Variants in SLC2A9 observed in about 807,000 individuals in gnomAD.
SLC2A9 encodes the protein solute carrier family 2 member 9, also known as solute carrier family 2, facilitated glucose transporter member 9.
In SLC2A9, 39 loss-of-function variants were observed where a neutral mutation model predicts 50.6. The ratio of observed to expected loss-of-function variants is 0.77; its 90% CI spans 0.60 to 1.01. The LOEUF (loss-of-function observed/expected upper bound fraction) is 1.01, where lower values mean the gene tolerates loss of function less well. Among genes scored for constraint, SLC2A9 ranks in the 50% least tolerant of loss-of-function variants. The pLI is 0.00. For synonymous variants in SLC2A9, 324 were observed against 276.9 expected, an observed-to-expected ratio of 1.17 and a Z score of -1.69; for missense variants, 686 against 677.6, an observed-to-expected ratio of 1.01 and a Z score of -0.14.
At chr4:10,004,039 G>C (rs1760341476) in intron 2 of SLC2A9, among the ~76,000 whole-genome samples, 1 of 152,124 alleles carries the variant, frequency 6.6e-6, no homozygotes, top group South Asian at 2.1e-4. Flanking sequence ...CAGTGAGCAG[G>C]GATCCAGAGT....
At chr4:9,837,240 A>C (rs746129609) in intron 10 of SLC2A9, among the ~76,000 whole-genome samples, 17 of 152,236 alleles carry the variant, frequency 1.1e-4, no homozygotes, top group Non-Finnish European at 1.9e-4. Flanking sequence ...TATGCTGTTC[A>C]CTACAAAAAT....
At chr4:9,780,531 G>A (rs1320609812) in intron 3 of SLC2A9, among the ~76,000 whole-genome samples, 2 of 152,160 alleles carry the variant, frequency 1.3e-5, no homozygotes, top group Admixed American at 6.5e-5. Context: ...GTACAGGTGC[G>A]TTTGGTGGAG....
At chr4:9,947,899 C>T (rs1283028705) in intron 5 of SLC2A9, among the ~76,000 whole-genome samples, 1 of 152,170 alleles carries the variant, frequency 6.6e-6, no homozygotes, top group African/African-American at 2.4e-5. Flanking sequence ...CCTGACTGAC[C>T]CAGTGCTTCC....
At chr4:9,916,988 C>A (rs908158932) in intron 7 of SLC2A9, among the ~76,000 whole-genome samples, 4 of 152,180 alleles carry the variant, frequency 2.6e-5, no homozygotes, top group African/African-American at 9.7e-5. Flanking sequence ...CCACTAATAG[C>A]TCTCTCCAGG....
chr4:9,802,229 A>T (rs1195053634), intron 3 of SLC2A9, among the ~76,000 whole-genome samples: 1 of 151,992 alleles, frequency 6.6e-6, no homozygotes, highest in East Asian at 1.9e-4. Flanking sequence ...GGGCATTTAC[A>T]GATTAAAGGG....
intron 7 of SLC2A9, among the ~76,000 whole-genome samples, chr4:9,910,371 CTA>C (rs1268161626): frequency 2.0e-5 from 3 of 152,316 alleles, no homozygotes; most frequent in Middle Eastern, 3.4e-3. Flanking sequence ...CCTGAAAACT[CTA>C]TGTCCATTGA....
intron 10 of SLC2A9, among the ~76,000 whole-genome samples, chr4:9,854,561 C>G (rs530033541): frequency 6.6e-6 from 1 of 152,316 alleles, no homozygotes; most frequent in South Asian, 2.1e-4. Context: ...CCTACCAAAA[C>G]TATTCCAAAA....
intron 2 of SLC2A9, among the ~76,000 whole-genome samples, chr4:10,011,559 A>C (rs1273907572): frequency 6.6e-6 from 1 of 152,258 alleles, no homozygotes; most frequent in Non-Finnish European, 1.5e-5. Flanking sequence ...TCAAGGATTC[A>C]GATTAGCACA....
intron 1 of SLC2A9, chr4:10,019,376 C>A: frequency 2.1e-6 from 1 of 478,676 alleles, no homozygotes; most frequent in Non-Finnish European, 3.8e-6. Flanking sequence ...TCCACACGAT[C>A]CTTTCAGCGA....
chr4:9,973,837 T>C (rs56296130), intron 5 of SLC2A9, among the ~76,000 whole-genome samples: 70,398 of 150,180 alleles, frequency 0.47, 17,702 homozygotes, highest in African/African-American at 0.64. Flanking sequence ...GTTGTGCACA[T>C]GTACCCTAAA....
rs541461490 is a variant in SLC2A9, at chr4:9,849,300, T to C, written c.1292-14292A>G. On this transcript the variant is annotated intron_variant, in intron 10 of 11. Transcript: ENST00000264784. Reference sequence around the variant, plus strand: ...AGGGTGTGGAGGCAGACTGGGACACTGGTTAGGAAACAGTAGTTCAGAACT... The same window carrying C: ...AGGGTGTGGAGGCAGACTGGGACACCGGTTAGGAAACAGTAGTTCAGAACT... Among the ~76,000 whole-genome samples the C allele has an allele frequency of 2.0e-5, 3 of 152,288 alleles. No homozygotes were observed. In the East Asian group the frequency reaches 5.8e-4, roughly 29 times the overall value.
chr4:9,873,163 T>C (rs1733730627), intron 10 of SLC2A9, among the ~76,000 whole-genome samples: 1 of 152,188 alleles, frequency 6.6e-6, no homozygotes, highest in Admixed American at 6.5e-5. Context: ...ATGACTGTTA[T>C]TGAAGGTAAG....
chr4:10,005,904 T>A (rs1760700504), intron 2 of SLC2A9, among the ~76,000 whole-genome samples: 1 of 152,216 alleles, frequency 6.6e-6, no homozygotes, highest in Admixed American at 6.5e-5. Flanking sequence ...TTAACCTCTC[T>A]GCGCCTCAGG....
chr4:9,979,847 C>T (rs1392616510), intron 5 of SLC2A9, among the ~76,000 whole-genome samples: 9 of 152,156 alleles, frequency 5.9e-5, no homozygotes, highest in Admixed American at 5.9e-4. Flanking sequence ...CATCTGAGTT[C>T]TTTCCCAGGG....
At chr4:9,818,804 TG>T (rs1279102102) in intron 3 of SLC2A9, among the ~76,000 whole-genome samples, 1 of 152,094 alleles carries the variant, frequency 6.6e-6, no homozygotes, top group African/African-American at 2.4e-5. Context: ...TGTGAGTGTG[TG>T]TGGGATGGGG....
chr4:9,782,123 G>A (rs1305371152), intron 3 of SLC2A9: 1 of 1,549,632 alleles, frequency 6.5e-7, no homozygotes, highest in Admixed American at 1.9e-5. Context: ...GGGCTCGGCG[G>A]GGGCACCGCC....
intron 8 of SLC2A9, among the ~76,000 whole-genome samples, chr4:9,898,768 C>A (rs1739050820): frequency 6.6e-6 from 1 of 152,212 alleles, no homozygotes; most frequent in South Asian, 2.1e-4. Flanking sequence ...GGAGGAAGCC[C>A]TGTTGGTTGG....
Position 9,887,644 on chromosome 4 carries a change from T to C in SLC2A9, c.1216-2A>G. ...GTAGGGGACCCAGGGGGCGTGGTCC[T>C]GGGAGAGAACAGGGAGTGGTCAGGT... is the stretch of plus-strand genomic sequence containing the variant. On this transcript the variant is annotated splice_acceptor_variant, in intron 9 of 11. Coordinates refer to ENST00000264784, the MANE Select transcript of SLC2A9 (RefSeq NM_020041.3). LOFTEE classifies it high-confidence loss of function. 2 of 1,528,382 alleles carry C rather than the reference T, an allele frequency of 1.3e-6. No individual in the cohort carries two copies. The highest frequency in any genetic ancestry group is 1.8e-6 in the Non-Finnish European group (2 of 1,135,122). The allele number at this position is 1,528,382 out of a possible 1,614,324, so 94.7% of individuals were successfully genotyped here.
intron 6 of SLC2A9, among the ~76,000 whole-genome samples, chr4:9,930,803 C>T (rs144695969): frequency 3.9e-4 from 60 of 152,276 alleles, no homozygotes; most frequent in African/African-American, 1.1e-3. Context: ...CAAGGATGAA[C>T]GTGTTTTTTG....
Sources: gnomAD v4.1 joint callset for allele counts (sites outside exome capture counted in the v4.1 genomes callset) on GRCh38, gnomAD v4.1.1 for gene constraint, MANE v1.5 for transcripts, NCBI Gene and HGNC (gene_info 2026-07-23, HGNC 2026-07-21) for gene names.